CPT1A: variants seen among roughly 807,000 people sequenced by gnomAD.
The protein encoded by CPT1A is carnitine O-palmitoyltransferase 1, liver isoform.
A neutral mutation model predicts 100.8 loss-of-function variants in CPT1A; 64 were observed. The observed-to-expected ratio is 0.63, with a 90% CI of 0.52 to 0.78. The LOEUF is 0.78. Ranked by LOEUF, CPT1A falls within the 30% of genes least tolerant of loss-of-function variation. The pLI, the probability that CPT1A is intolerant of heterozygous loss-of-function variation, is 0.00. For missense variants in CPT1A, 802 were observed against 1,034.1 expected (o/e 0.78, Z 3.08); for synonymous variants, 363 against 396.0 (o/e 0.92, Z 0.99).
chr11:68,768,341 C>T (rs560919498), intron 14 of CPT1A, among the ~76,000 whole-genome samples: 5 of 152,202 alleles, frequency 3.3e-5, no homozygotes, highest in African/African-American at 1.2e-4. Context: ...TCCCAAAGTG[C>T]TGGGATTACA....
Position 68,759,982 on chromosome 11 carries a change from A to C in CPT1A, c.2142+243T>G, listed in dbSNP as rs546083483. ...TGAGATGGGGGAGATTCAGGCTGCCATGAGCCATGATCATGCTTACTGCAC... is the reference window on the plus strand; with the variant it reads ...TGAGATGGGGGAGATTCAGGCTGCCCTGAGCCATGATCATGCTTACTGCAC... On this transcript the variant is annotated intron_variant, in intron 17 of 18. Transcript: ENST00000265641. Among the ~76,000 whole-genome samples, 15 of 152,274 alleles carry C rather than the reference A, an allele frequency of 9.9e-5. No homozygotes were observed. In the South Asian group the frequency reaches 3.1e-3, roughly 32 times the overall value.
chr11:68,796,779 G>T, intron 7 of CPT1A, 77 bp downstream of exon 7: 1 of 1,435,326 alleles, frequency 7.0e-7, no homozygotes, highest in Admixed American at 1.9e-5. Context: ...CCACAGGCCT[G>T]TGAAGACGCC....
chr11:68,825,845 C>T (rs1176154477), intron 1 of CPT1A, among the ~76,000 whole-genome samples: 1 of 152,162 alleles, frequency 6.6e-6, no homozygotes, highest in African/African-American at 2.4e-5. Context: ...AGAGTGGCAG[C>T]TTCTCCCACC....
intron 13 of CPT1A, among the ~76,000 whole-genome samples, chr11:68,774,408 T>C (rs1008421518): frequency 1.4e-4 from 22 of 151,996 alleles, no homozygotes; most frequent in African/African-American, 4.6e-4. Context: ...CATCACACAG[T>C]GGCAATCAAG....
intron 1 of CPT1A, among the ~76,000 whole-genome samples, chr11:68,837,770 GCA>G (rs149407884): frequency 6.6e-4 from 101 of 152,156 alleles, no homozygotes; most frequent in African/African-American, 2.3e-3. Context: ...GGCCAAGAGT[GCA>G]CTATGATTGC....
chr11:68,757,559 C>A lies in CPT1A; in HGVS notation c.*85G>T. 1 of 1,604,698 alleles carries A rather than the reference C, an allele frequency of 6.2e-7. No individual in the cohort carries two copies. Among genetic ancestry groups the A allele is most frequent in the Non-Finnish European group, 8.5e-7 (1 of 1,175,790 alleles). ...GTTTTTTTAAGAGCAGTGTTTCATC[C>A]CGAGCTAAGGTCAGGATTAATGCCT... On this transcript the variant is annotated 3_prime_UTR_variant, in exon 19 of 19. Coordinates refer to ENST00000265641, the MANE Select transcript of CPT1A (RefSeq NM_001876.4).
chr11:68,808,231 G>A lies in CPT1A; in HGVS notation c.282-593C>T, dbSNP rs548993263. Among the ~76,000 whole-genome samples the A allele has an allele frequency of 8.5e-5, 13 of 152,260 alleles. No homozygotes were observed. The East Asian group carries it at 2.5e-3, about 29-fold the overall frequency. On this transcript the variant is annotated intron_variant, in intron 3 of 18. Coordinates refer to ENST00000265641, the MANE Select transcript of CPT1A (RefSeq NM_001876.4). ...AAAAGAGCTTGTTTTTGACTTAGGT[G>A]TATTTAACACAAATAAAGAAACGGA...
At position 68,773,286 on chromosome 11, in the gene CPT1A, G is replaced by A. The variant is rs377681307; in HGVS notation, c.1719C>T (p.Ala573=). Reference sequence around the variant, plus strand: ...TTACCTTGTAGTGCGCCAGCTGGAGGGCCAGCTGCACAAAGGCGTCTGGGC... The same window carrying A: ...TTACCTTGTAGTGCGCCAGCTGGAGAGCCAGCTGCACAAAGGCGTCTGGGC... The part of the protein sequence containing the change: ...RTSPDAFVQL[A]LQLAHYKDMG... Residue 573 remains alanine (A), a synonymous_variant, in exon 14 of 19, where the codon GCC becomes GCT. Transcript: ENST00000265641. The A allele has an allele frequency of 2.5e-5, 40 of 1,614,058 alleles. No homozygotes were observed. The highest frequency in any genetic ancestry group is 3.3e-5 in the Admixed American group (2 of 60,010).
intron 14 of CPT1A, among the ~76,000 whole-genome samples, chr11:68,769,417 T>G (rs1854922203): frequency 6.7e-6 from 1 of 149,608 alleles, no homozygotes; most frequent in African/African-American, 2.5e-5. Flanking sequence ...TTTTTTTTTT[T>G]TTTTTGTATT....
rs1855066725 is a variant in CPT1A, at chr11:68,773,883, C to T, written c.1576-454G>A. ...TGCGCACTGAGAGGCAAAATGGCGGCGTCTAACTGGACTATGAGCTTCCTC... is the reference window on the plus strand; with the variant it reads ...TGCGCACTGAGAGGCAAAATGGCGGTGTCTAACTGGACTATGAGCTTCCTC... On this transcript the variant is annotated intron_variant, in intron 13 of 18. Transcript: ENST00000265641. 2.4e-5 allele frequency: 6 copies of T among 255,314 alleles called. No homozygotes were observed. The Middle Eastern group carries it at 4.4e-3, about 187-fold the overall frequency. 15.8% of individuals were successfully genotyped at this position (255,314 alleles called of 1,614,324 possible). A position where few individuals can be genotyped will look rare whatever the true frequency, so the allele number is the denominator to read the frequency against.
rs540158131 is a variant in CPT1A at position 68,817,752 on chromosome 11, G to C, written c.-13-2265C>G. 9.7e-5 allele frequency among the ~76,000 whole-genome samples: 14 copies of C among 144,464 alleles called. No individual in the cohort carries two copies. The South Asian group carries it at 1.8e-3, about 18-fold the overall frequency. The allele number at this position is 144,464 out of a possible 152,430, so 94.8% of individuals were successfully genotyped here. On this transcript the variant is annotated intron_variant, in intron 1 of 18. Coordinates refer to ENST00000265641, the MANE Select transcript of CPT1A (RefSeq NM_001876.4). ...GCTGGGGGTCAAGGACAGGCTGTTG[G>C]GGGGGGGTCAGTGGCGGGACAGCTA...
At chr11:68,837,332 G>A (rs1166797514) in intron 1 of CPT1A, among the ~76,000 whole-genome samples, 1 of 152,210 alleles carries the variant, frequency 6.6e-6, no homozygotes, top group African/African-American at 2.4e-5. Context: ...ACAGGCGTGA[G>A]CCACTGCGCT....
intron 14 of CPT1A, among the ~76,000 whole-genome samples, chr11:68,765,166 A>C (rs1166150171): frequency 1.3e-5 from 2 of 152,246 alleles, no homozygotes; most frequent in Non-Finnish European, 1.5e-5. Context: ...GGAGAGAAGC[A>C]GATAAAAGGG....
intron 9 of CPT1A, among the ~76,000 whole-genome samples, chr11:68,792,243 A>C (rs1232926150): frequency 1.3e-5 from 2 of 152,140 alleles, no homozygotes; most frequent in Admixed American, 1.3e-4. Flanking sequence ...AGGCTGAGGC[A>C]GGAGAATGGC....
chr11:68,773,803 G>A (rs1051461556), intron 13 of CPT1A: 1 of 313,238 alleles, frequency 3.2e-6, no homozygotes, highest in Non-Finnish European at 6.2e-6. Context: ...AAATGGAGCT[G>A]GTGACCAGCA....
chr11:68,802,896 CAAAAAAAAA>C (rs901808584), intron 5 of CPT1A, among the ~76,000 whole-genome samples: 1 of 44,974 alleles, frequency 2.2e-5, no homozygotes, highest in South Asian at 1.1e-3. Flanking sequence ...GACCCTGTCT[CAAAAAAAAA>C]AAAAAAAAAA....
chr11:68,758,392 A>G (rs1435592519), intron 18 of CPT1A, among the ~76,000 whole-genome samples: 1 of 152,228 alleles, frequency 6.6e-6, no homozygotes, highest in African/African-American at 2.4e-5. Context: ...CAGAATATAA[A>G]TAAGGGCAAT....
At chr11:68,761,750 A>C (rs1298602346) in intron 15 of CPT1A, 63 bp from the exon 16 acceptor site, 1 of 1,582,454 alleles carries the variant, frequency 6.3e-7, no homozygotes, top group African/African-American at 1.3e-5. Context: ...TTACGGATCT[A>C]AGTTAGCCAC....
chr11:68,799,373 A>G lies in CPT1A; in HGVS notation c.556-18T>C, dbSNP rs1354747431. On this transcript the variant is annotated intron_variant, in intron 5 of 18. Coordinates refer to ENST00000265641, the MANE Select transcript of CPT1A (RefSeq NM_001876.4). ...TGTAGATACTGGGATTATTGGGGGA[A>G]AAAAAAATCACCCAAGTTAAAACAT... The G allele has an allele frequency of 2.5e-6, 4 of 1,613,134 alleles. No homozygotes were observed. In the Admixed American group the frequency reaches 6.7e-5, roughly 27 times the overall value.
Sources: allele counts gnomAD v4.1 joint callset (sites outside exome capture counted in the v4.1 genomes callset), GRCh38; gene constraint gnomAD v4.1.1; transcripts MANE v1.5; gene names NCBI Gene and HGNC (gene_info 2026-07-23, HGNC 2026-07-21).